Variants in KCNN3 observed in about 807,000 individuals in gnomAD.
The protein encoded by KCNN3 is small conductance calcium-activated potassium channel protein 3.
Under a neutral mutation model 62.9 loss-of-function variants are expected in KCNN3, and 16 were observed. The observed-to-expected ratio is 0.25, with a 90% confidence interval of 0.17 to 0.39. The LOEUF is 0.39. Among genes scored for constraint, KCNN3 ranks in the 10% least tolerant of loss-of-function variants. The pLI, the probability that KCNN3 is intolerant of heterozygous loss-of-function variation, is 1.00. For synonymous variants in KCNN3, 370 were observed against 389.2 expected (o/e 0.95, Z 0.58); for missense variants, 599 against 949.4 (o/e 0.63, Z 4.85).
At chr1:154,848,836 A>G (rs1006204979) in intron 1 of KCNN3, among the ~76,000 whole-genome samples, 4 of 152,084 alleles carry the variant, frequency 2.6e-5, no homozygotes, top group African/African-American at 9.7e-5. Flanking sequence ...GAGCCTCTCT[A>G]CCGCACTTAG....
intron 2 of KCNN3, among the ~76,000 whole-genome samples, chr1:154,795,038 C>T (rs1287327218): frequency 6.6e-6 from 1 of 152,124 alleles, no homozygotes; most frequent in South Asian, 2.1e-4. Context: ...CCATAAGTAG[C>T]CTATACTTAG....
At chr1:154,754,258 G>T (rs926797558) in intron 3 of KCNN3, among the ~76,000 whole-genome samples, 3 of 152,186 alleles carry the variant, frequency 2.0e-5, no homozygotes, top group African/African-American at 7.2e-5. Flanking sequence ...GGTGTAAGAT[G>T]ACAGGGATCT....
At chr1:154,811,340 A>T (rs56366285) in intron 2 of KCNN3, among the ~76,000 whole-genome samples, 6,372 of 152,314 alleles carry the variant, frequency 0.042, 332 homozygotes, top group African/African-American at 0.12. Flanking sequence ...TGGTGGTGAC[A>T]AATATACAAT....
intron 4 of KCNN3, among the ~76,000 whole-genome samples, chr1:154,728,156 C>T (rs915957335): frequency 6.8e-6 from 1 of 146,530 alleles, no homozygotes; most frequent in Non-Finnish European, 1.5e-5. Flanking sequence ...CAGCGCTTGC[C>T]ATGGCCCACA....
intron 3 of KCNN3, among the ~76,000 whole-genome samples, chr1:154,745,435 G>A (rs1166901928): frequency 6.6e-6 from 1 of 152,210 alleles, no homozygotes; most frequent in Non-Finnish European, 1.5e-5. Flanking sequence ...GTGGTTTCCT[G>A]TAGAAGCTTC....
At chr1:154,769,405 C>T (rs759904904) in intron 3 of KCNN3, among the ~76,000 whole-genome samples, 1 of 152,146 alleles carries the variant, frequency 6.6e-6, no homozygotes, top group African/African-American at 2.4e-5. Context: ...TTGGTCTTAG[C>T]GGGGGCTTGT....
At chr1:154,824,542 C>T (rs1198700499) in intron 1 of KCNN3, among the ~76,000 whole-genome samples, 1 of 152,218 alleles carries the variant, frequency 6.6e-6, no homozygotes, top group Non-Finnish European at 1.5e-5. Context: ...CTCCCTACAT[C>T]AATCAACTGG....
chr1:154,711,218 T>C (rs1164095621), intron 7 of KCNN3, among the ~76,000 whole-genome samples: 2 of 150,602 alleles, frequency 1.3e-5, no homozygotes, highest in African/African-American at 4.9e-5. Context: ...CTGGAAACCA[T>C]CATTCTCAGC....
intron 3 of KCNN3, among the ~76,000 whole-genome samples, chr1:154,749,922 G>A (rs916411850): frequency 1.3e-5 from 2 of 152,176 alleles, no homozygotes; most frequent in African/African-American, 2.4e-5. Flanking sequence ...CTGACCTCTC[G>A]CCTCTTTCCA....
intron 2 of KCNN3, among the ~76,000 whole-genome samples, chr1:154,818,138 G>C (rs1334041054): frequency 6.6e-6 from 1 of 152,194 alleles, no homozygotes; most frequent in East Asian, 1.9e-4. Context: ...GGACACACTG[G>C]CCTGAGGAAA....
chr1:154,748,353 C>T lies in KCNN3; in HGVS notation c.1449-15209G>A, dbSNP rs905466559. Among the ~76,000 whole-genome samples the T allele has an allele frequency of 4.6e-5, 7 of 152,218 alleles. 1 individual carries two copies. Among genetic ancestry groups the T allele is most frequent in the South Asian group, 4.1e-4 (2 of 4,822 alleles). The stretch of plus-strand genomic sequence containing the variant: ...CCGACATCTGCCATCAGTCACAGAG[C>T]GTGACTTGGAAGCAAAGGGGCTTCA... On this transcript the variant is annotated intron_variant, in intron 3 of 7. Coordinates refer to ENST00000271915, the MANE Select transcript of KCNN3 (RefSeq NM_002249.6).
intron 1 of KCNN3, among the ~76,000 whole-genome samples, chr1:154,831,557 G>A (rs1274216093): frequency 2.0e-5 from 3 of 152,202 alleles, no homozygotes; most frequent in Non-Finnish European, 2.9e-5. Context: ...GGCTGGGGTT[G>A]CCCTCACAGC....
At chr1:154,768,939 A>G (rs745911416) in intron 3 of KCNN3, among the ~76,000 whole-genome samples, 3 of 152,200 alleles carry the variant, frequency 2.0e-5, no homozygotes, top group African/African-American at 4.8e-5. Flanking sequence ...GTAGAGGCCA[A>G]GATTTCCTCG....
intron 1 of KCNN3, among the ~76,000 whole-genome samples, chr1:154,832,550 C>G (rs992838487): frequency 2.2e-4 from 34 of 152,130 alleles, no homozygotes; most frequent in Non-Finnish European, 2.9e-5. Flanking sequence ...ATTTACTGCT[C>G]CACCTGCCAA....
intron 1 of KCNN3, among the ~76,000 whole-genome samples, chr1:154,826,673 T>G (rs1571315041): frequency 6.6e-6 from 1 of 152,078 alleles, no homozygotes; most frequent in Non-Finnish European, 1.5e-5. Context: ...GTGCAGAGGG[T>G]GATGGAGTGT....
At chr1:154,748,308 C>G (rs1285722954) in intron 3 of KCNN3, among the ~76,000 whole-genome samples, 1 of 152,178 alleles carries the variant, frequency 6.6e-6, no homozygotes. Context: ...CAAGCTTTCT[C>G]TCTCCTGGTT....
chr1:154,851,223 C>T (rs1261124459), intron 1 of KCNN3, among the ~76,000 whole-genome samples: 4 of 151,996 alleles, frequency 2.6e-5, no homozygotes, highest in South Asian at 2.1e-4. Context: ...GTGATCCACC[C>T]GCCTCGGCCT....
At chr1:154,864,770 G>T (rs1159235147) in intron 1 of KCNN3, among the ~76,000 whole-genome samples, 1 of 152,242 alleles carries the variant, frequency 6.6e-6, no homozygotes, top group Non-Finnish European at 1.5e-5. Context: ...GAGCAGAGGG[G>T]CAGGAAATCA....
intron 4 of KCNN3, among the ~76,000 whole-genome samples, chr1:154,732,664 T>C (rs1700621651): frequency 6.6e-6 from 1 of 152,112 alleles, no homozygotes; most frequent in Non-Finnish European, 1.5e-5. Flanking sequence ...CAGTGCTCAC[T>C]GGAGGTGAGC....
Sources: gnomAD v4.1 joint callset for allele counts (sites outside exome capture counted in the v4.1 genomes callset) on GRCh38, gnomAD v4.1.1 for gene constraint, MANE v1.5 for transcripts, NCBI Gene and HGNC (gene_info 2026-07-23, HGNC 2026-07-21) for gene names.